ACADSB: variants seen among roughly 807,000 people sequenced by gnomAD.
The protein encoded by ACADSB is acyl-CoA dehydrogenase short/branched chain, also known as short/branched chain specific acyl-CoA dehydrogenase, mitochondrial.
ACADSB carries 40 observed loss-of-function variants against 54.1 expected under a neutral mutation model. The ratio of observed to expected loss-of-function variants is 0.74; its 90% CI spans 0.57 to 0.96. The LOEUF (loss-of-function observed/expected upper bound fraction) is 0.96, where lower values mean the gene tolerates loss of function less well. Among genes scored for constraint, ACADSB ranks in the 40% least tolerant of loss-of-function variants. The pLI, the probability that ACADSB is intolerant of heterozygous loss-of-function variation, is 0.00. For synonymous variants in ACADSB, 182 were observed against 182.8 expected (o/e 1.00, Z 0.03); for missense variants, 530 against 510.4 (o/e 1.04, Z -0.37).
intron 1 of ACADSB, among the ~76,000 whole-genome samples, chr10:123,028,468 T>C (rs1297902376): frequency 6.6e-6 from 1 of 151,866 alleles, no homozygotes; most frequent in Non-Finnish European, 1.5e-5. Context: ...AGTTTGAAAC[T>C]AGCCTGGGTA....
At position 123,034,461 on chromosome 10, in the gene ACADSB, C is replaced by T; in HGVS notation, c.148C>T (p.His50Tyr). Reference sequence around the variant, plus strand: ...ACTCAATATAACAAATAATGGAATACACTTTGCTCCCCTGCAAACATTTAC... The same window carrying T: ...ACTCAATATAACAAATAATGGAATATACTTTGCTCCCCTGCAAACATTTAC... ...ALLNITNNGIHFAPLQTFTDE... is the reference protein window; with the variant it reads ...ALLNITNNGIYFAPLQTFTDE... Residue 50 changes from histidine to tyrosine, a missense_variant, in exon 2 of 11, where the codon CAC (histidine) becomes TAC (tyrosine). Transcript: ENST00000358776. The T allele has an allele frequency of 1.9e-6, 3 of 1,612,772 alleles. No individual in the cohort carries two copies. Among genetic ancestry groups the T allele is most frequent in the Non-Finnish European group, 8.5e-7 (1 of 1,179,852 alleles).
intron 1 of ACADSB, among the ~76,000 whole-genome samples, chr10:123,027,341 G>A (rs1036016859): frequency 6.6e-6 from 1 of 152,074 alleles, no homozygotes; most frequent in Non-Finnish European, 1.5e-5. Context: ...TGGCTGTGTC[G>A]CCACCCAAAT....
intron 1 of ACADSB, among the ~76,000 whole-genome samples, chr10:123,033,107 A>G (rs911077640): frequency 6.6e-6 from 1 of 152,192 alleles, no homozygotes. Flanking sequence ...TTTCTAGCCC[A>G]AAGTTTTCCT....
Position 123,052,273 on chromosome 10 carries a change from C to A in ACADSB, c.1129-788C>A, listed in dbSNP as rs1047127428. Among the ~76,000 whole-genome samples, 3 of 152,206 alleles carry A rather than the reference C, an allele frequency of 2.0e-5. No individual in the cohort carries two copies. The highest frequency in any genetic ancestry group is 7.2e-5 in the African/African-American group (3 of 41,464). On this transcript the variant is annotated intron_variant, in intron 9 of 10. Transcript: ENST00000358776. This position sits in a 1 kb window ranked among gnomAD's most constrained non-coding sequence, Gnocchi z 4.2. ...GGGTCTCACTGGAATACAGGGGCTG[C>A]CTTTCTGTGGTTCTGGCAGACAGTT... is the stretch of plus-strand genomic sequence containing the variant.
At chr10:123,015,099 G>C (rs553063558) in intron 1 of ACADSB, among the ~76,000 whole-genome samples, 1 of 152,360 alleles carries the variant, frequency 6.6e-6, no homozygotes, top group Non-Finnish European at 1.5e-5. Context: ...GTGTTGCCCA[G>C]ACAGGGTTGC....
chr10:123,031,227 A>G (rs1283196726), intron 1 of ACADSB, among the ~76,000 whole-genome samples: 1 of 152,236 alleles, frequency 6.6e-6, no homozygotes, highest in Non-Finnish European at 1.5e-5. Flanking sequence ...TATTTTAGTT[A>G]GAGGTTAGTG....
chr10:123,050,901 A>T, intron 8 of ACADSB, 148 bp from the exon 9 acceptor site: 1 of 730,784 alleles, frequency 1.4e-6, no homozygotes, highest in Non-Finnish European at 2.2e-6. Flanking sequence ...TAGATTACTC[A>T]TTTTAAAGTA....
chr10:123,047,120 T>C, intron 7 of ACADSB, 89 bp from the exon 8 acceptor site: 1 of 1,093,720 alleles, frequency 9.1e-7, no homozygotes. Context: ...CCCCAATCAT[T>C]CAATTTATGT....
In ACADSB at chr10:123,053,731, A is replaced by G. The variant is rs1430062937; in HGVS notation, c.1265A>G (p.Asn422Ser). The part of the protein sequence containing the change: ...IYEGASNIQL[N>S]TIAKHIDAEY ...GAAGGAGCTTCCAACATCCAGTTGA[A>G]CACCATTGCAAAGCATATCGATGCA... Residue 422 changes from asparagine (N) to serine (S), a missense_variant, in exon 11 of 11, where the codon AAC (asparagine) becomes AGC (serine). By Grantham distance (46) the Asn-to-Ser change is conservative. Transcript: ENST00000358776. 6.2e-7 allele frequency: 1 copy of G among 1,614,096 alleles called. No individual in the cohort carries two copies. The highest frequency in any genetic ancestry group is 8.5e-7 in the Non-Finnish European group (1 of 1,179,952).
At position 123,044,586 on chromosome 10, in the gene ACADSB, G is replaced by A. The variant is rs1246263833; in HGVS notation, c.900+101G>A. On this transcript the variant is annotated intron_variant, in intron 7 of 10. Coordinates refer to ENST00000358776, the MANE Select transcript of ACADSB (RefSeq NM_001609.4). ...AATATTTGGAAGCTTATGGACACAAGATGGCACCGTTCCCTTACATGAGGG... is the reference window on the plus strand; with the variant it reads ...AATATTTGGAAGCTTATGGACACAAAATGGCACCGTTCCCTTACATGAGGG... The A allele has an allele frequency of 7.7e-6, 7 of 905,930 alleles. No individual in the cohort carries two copies. In the Admixed American group the frequency reaches 9.4e-5, roughly 12 times the overall value. The allele number at this position is 905,930 out of a possible 1,614,324, so 56.1% of individuals were successfully genotyped here. A position where few individuals can be genotyped will look rare whatever the true frequency, so the allele number is the denominator to read the frequency against.
chr10:123,041,996 C>T (rs1259231120), intron 5 of ACADSB, among the ~76,000 whole-genome samples: 2 of 141,032 alleles, frequency 1.4e-5, no homozygotes, highest in East Asian at 4.2e-4. Context: ...TATGGAGTCT[C>T]GCTGTATCTC....
chr10:123,038,751 T>C (rs758653204), intron 3 of ACADSB, among the ~76,000 whole-genome samples: 39 of 152,176 alleles, frequency 2.6e-4, no homozygotes, highest in Non-Finnish European at 1.8e-4. Context: ...ATACCGTGTG[T>C]AGTAGTGATT....
intron 3 of ACADSB, among the ~76,000 whole-genome samples, chr10:123,038,167 C>T (rs1198688828): frequency 6.6e-6 from 1 of 152,174 alleles, no homozygotes; most frequent in African/African-American, 2.4e-5. Flanking sequence ...TTGGTTGCCA[C>T]AGCTAAGGCG....
chr10:123,043,086 C>G lies in ACADSB; in HGVS notation c.722C>G (p.Thr241Ser), dbSNP rs768328977. The part of the protein sequence containing the change: ...GITSFLVDRD[T>S]PGLHIGKPEN... ...ACCTCCTTCTTAGTAGATCGTGATACTCCGGGCCTTCATATAGGGAAACCT... is the reference window on the plus strand; with the variant it reads ...ACCTCCTTCTTAGTAGATCGTGATAGTCCGGGCCTTCATATAGGGAAACCT... The change falls in exon 6 of 11, where the codon ACT (threonine) becomes AGT (serine). Residue 241 changes from threonine (T) to serine (S), a missense_variant. Thr to Ser is a moderately conservative substitution (Grantham distance 58, BLOSUM62 1). Transcript: ENST00000358776. The G allele has an allele frequency of 1.2e-6, 2 of 1,613,804 alleles. No homozygotes were observed. Among genetic ancestry groups the G allele is most frequent in the Admixed American group, 3.3e-5 (2 of 60,014 alleles).
intron 3 of ACADSB, 83 bp downstream of exon 3, chr10:123,037,930 C>T: frequency 9.9e-7 from 1 of 1,005,966 alleles, no homozygotes; most frequent in Non-Finnish European, 1.5e-6. Flanking sequence ...CCCTGCATTT[C>T]CCAGTCAAAA....
intron 1 of ACADSB, among the ~76,000 whole-genome samples, chr10:123,028,517 T>C (rs1219846230): frequency 6.6e-6 from 1 of 151,488 alleles, no homozygotes; most frequent in African/African-American, 2.4e-5. Context: ...TAAAAAATTA[T>C]CTGGGTGTGG....
chr10:123,046,843 T>A (rs1850566298), intron 7 of ACADSB, among the ~76,000 whole-genome samples: 9 of 152,240 alleles, frequency 5.9e-5, no homozygotes. Context: ...CAAGGCCAGT[T>A]CTGAGCAAAA....
At chr10:123,046,025 G>A (rs1458798674) in intron 7 of ACADSB, among the ~76,000 whole-genome samples, 1 of 152,126 alleles carries the variant, frequency 6.6e-6, no homozygotes, top group African/African-American at 2.4e-5. Flanking sequence ...AGGTAGAAAA[G>A]CCCATTTTGA....
intron 1 of ACADSB, among the ~76,000 whole-genome samples, chr10:123,011,503 A>G (rs1321384850): frequency 2.0e-5 from 3 of 152,018 alleles, no homozygotes; most frequent in African/African-American, 7.3e-5. Flanking sequence ...TGTGGTTCCA[A>G]AGCATTTTAA....
Sources: allele counts gnomAD v4.1 joint callset (sites outside exome capture counted in the v4.1 genomes callset), GRCh38; gene constraint gnomAD v4.1.1; non-coding constraint Gnocchi (gnomAD v3.1); transcripts MANE v1.5; gene names NCBI Gene and HGNC (gene_info 2026-07-23, HGNC 2026-07-21).